The following HDAC4 variants were observed in gnomAD, a reference collection of about 807,000 sequenced individuals.
HDAC4 encodes the protein histone deacetylase 4.
HDAC4 carries 16 observed loss-of-function variants against 135.1 expected under a neutral mutation model. The ratio of observed to expected loss-of-function variants is 0.12; its 90% CI spans 0.08 to 0.18. HDAC4 has a LOEUF of 0.18. HDAC4 is among the 10% of genes least tolerant of loss of function. HDAC4 has a pLI of 1.00. For synonymous variants in HDAC4, 685 were observed against 653.4 expected (o/e 1.05, Z -0.74); for missense variants, 1,143 against 1,511.8 (o/e 0.76, Z 4.05).
chr2:239,396,388 T>C (rs1696564075), intron 1 of HDAC4, among the ~76,000 whole-genome samples: 1 of 152,170 alleles, frequency 6.6e-6, no homozygotes, highest in Non-Finnish European at 1.5e-5. Context: ...TTCAAGGAAA[T>C]TTCCATACAT....
chr2:239,050,287 C>G lies in HDAC4; in HGVS notation c.*2810G>C, dbSNP rs918926156. 2 of 152,164 alleles carry G rather than the reference C, an allele frequency of 1.3e-5. No homozygotes were observed. Among genetic ancestry groups the G allele is most frequent in the Non-Finnish European group, 2.9e-5 (2 of 68,048 alleles). The allele number at this position is 152,164 out of a possible 1,614,324, so 9.4% of individuals were successfully genotyped here. ...CTGGCCACTGAGCAGTCCATGTTAT[C>G]CCATCATCTGCTTAAAAAAAAAAAG... On this transcript the variant is annotated 3_prime_UTR_variant, in exon 27 of 27. Transcript: ENST00000543185.
chr2:239,276,951 G>A (rs995379673), intron 2 of HDAC4, among the ~76,000 whole-genome samples: 28 of 152,156 alleles, frequency 1.8e-4, no homozygotes, highest in Admixed American at 2.0e-4. Context: ...CTAGCCCTTG[G>A]GGAACACCAT....
intron 2 of HDAC4, among the ~76,000 whole-genome samples, chr2:239,314,396 T>C (rs572432461): frequency 1.3e-5 from 2 of 152,266 alleles, no homozygotes; most frequent in East Asian, 3.9e-4. Flanking sequence ...TCCTGTCACT[T>C]AGTGACTGTA....
At chr2:239,055,670 T>C (rs1239093695) in intron 24 of HDAC4, among the ~76,000 whole-genome samples, 2 of 151,036 alleles carry the variant, frequency 1.3e-5, no homozygotes, top group African/African-American at 2.4e-5. Flanking sequence ...TGAGCCAAGA[T>C]TGTGCCACCG....
At chr2:239,374,673 G>A (rs1319561191) in intron 1 of HDAC4, among the ~76,000 whole-genome samples, 1 of 152,068 alleles carries the variant, frequency 6.6e-6, no homozygotes, top group African/African-American at 2.4e-5. Flanking sequence ...AAAGTGCTGG[G>A]ATTACAGGCG....
rs191327775 is a variant in HDAC4 at position 239,365,511 on chromosome 2, G to C, written c.-219-12593C>G. Among the ~76,000 whole-genome samples the C allele has an allele frequency of 2.0e-5, 3 of 152,366 alleles. No homozygotes were observed. The East Asian group carries it at 5.8e-4, about 29-fold the overall frequency. Reference sequence around the variant, plus strand: ...GAACGTTCGGAAGATCAGATACCAAGAGGATAAAGAGGAAGGGCCATGGGA... The same window carrying C: ...GAACGTTCGGAAGATCAGATACCAACAGGATAAAGAGGAAGGGCCATGGGA... On this transcript the variant is annotated intron_variant, in intron 1 of 26. Transcript: ENST00000543185.
intron 22 of HDAC4, among the ~76,000 whole-genome samples, chr2:239,075,510 G>C (rs185013740): frequency 6.6e-6 from 1 of 152,176 alleles, no homozygotes; most frequent in Non-Finnish European, 1.5e-5. Context: ...GTGCACCCCT[G>C]GGGCCGGCAA....
chr2:239,367,366 C>T (rs1311934398), intron 1 of HDAC4, among the ~76,000 whole-genome samples: 4 of 152,126 alleles, frequency 2.6e-5, no homozygotes, highest in African/African-American at 7.2e-5. Flanking sequence ...TTTTACCGAA[C>T]GGTTATTTTT....
Position 239,262,113 on chromosome 2 carries a change from C to G in HDAC4, c.23-25449G>C, listed in dbSNP as rs764966250. 9.2e-5 allele frequency among the ~76,000 whole-genome samples: 14 copies of G among 152,204 alleles called. No homozygotes were observed. The highest frequency in any genetic ancestry group is 1.8e-4 in the Non-Finnish European group (12 of 68,042). On this transcript the variant is annotated intron_variant, in intron 2 of 26. Transcript: ENST00000543185. The surrounding 1 kb of genome is among the most constrained non-coding windows in gnomAD (Gnocchi z 4.1). ...ACCCTCCCAACCACGCCAGCGCCGCCTGCAGTGACGCCGGGCCACGCTCAC... is the reference window on the plus strand; with the variant it reads ...ACCCTCCCAACCACGCCAGCGCCGCGTGCAGTGACGCCGGGCCACGCTCAC...
chr2:239,066,162 C>G (rs548077087), intron 24 of HDAC4, among the ~76,000 whole-genome samples: 31 of 152,318 alleles, frequency 2.0e-4, no homozygotes, highest in African/African-American at 7.0e-4. Context: ...CATTCTTTTT[C>G]TCTGCCCAGG....
At position 239,054,837 on chromosome 2, in the gene HDAC4, G is replaced by A. The variant is rs779912777; in HGVS notation, c.3004-4C>T. 1.9e-6 allele frequency: 3 copies of A among 1,597,134 alleles called. No homozygotes were observed. The highest frequency in any genetic ancestry group is 2.2e-5 in the South Asian group (2 of 90,718). ...CCTTTTCTGGGAGAGGATCAAGCTG[G>A]AAGAAAATGCATAAGAATATAAAGA... On this transcript the variant is annotated splice_region_variant and splice_polypyrimidine_tract_variant and intron_variant, in intron 24 of 26. Transcript: ENST00000543185.
chr2:239,247,112 T>C (rs72988701), intron 2 of HDAC4, among the ~76,000 whole-genome samples: 17,390 of 152,316 alleles, frequency 0.11, 1,081 homozygotes, highest in African/African-American at 0.13. Flanking sequence ...CTATCGGCAA[T>C]GGCTGGAGAC....
intron 17 of HDAC4, chr2:239,091,589 G>A (rs2036508864): frequency 6.6e-6 from 1 of 152,150 alleles, no homozygotes; most frequent in South Asian, 2.1e-4. Flanking sequence ...GAGGGCTCCT[G>A]TCCACCACCA....
chr2:239,154,695 G>T (rs948098722), intron 7 of HDAC4: 12 of 152,230 alleles, frequency 7.9e-5, no homozygotes, highest in East Asian at 3.9e-4. Flanking sequence ...AGGGCGATTT[G>T]TAAGAATCAG....
intron 3 of HDAC4, among the ~76,000 whole-genome samples, chr2:239,225,063 G>A (rs190680481): frequency 1.3e-5 from 2 of 152,236 alleles, no homozygotes; most frequent in Admixed American, 1.3e-4. Flanking sequence ...TAACAAAAAA[G>A]ATGACTTGGA....
chr2:239,275,219 G>A (rs944757894), intron 2 of HDAC4, among the ~76,000 whole-genome samples: 4 of 152,244 alleles, frequency 2.6e-5, no homozygotes, highest in East Asian at 1.9e-4. Flanking sequence ...CCACCAGGCC[G>A]CGCAGGCTGG....
intron 3 of HDAC4, among the ~76,000 whole-genome samples, chr2:239,200,680 G>T (rs551368926): frequency 1.3e-5 from 2 of 152,224 alleles, no homozygotes; most frequent in Non-Finnish European, 2.9e-5. Context: ...AAAATGTAAA[G>T]AAATAAATGC....
chr2:239,056,217 C>T (rs1168442065), intron 24 of HDAC4, among the ~76,000 whole-genome samples: 3 of 152,216 alleles, frequency 2.0e-5, no homozygotes, highest in Admixed American at 1.3e-4. Context: ...AGTTCCCAAA[C>T]ACAAAAACCC....
chr2:239,179,187 G>C (rs144611883), intron 4 of HDAC4, among the ~76,000 whole-genome samples: 2 of 152,330 alleles, frequency 1.3e-5, no homozygotes, highest in Non-Finnish European at 2.9e-5. Context: ...TGCTCCATGA[G>C]TGGCTGCGCT....
Sources: allele counts gnomAD v4.1 joint callset (sites outside exome capture counted in the v4.1 genomes callset), GRCh38; gene constraint gnomAD v4.1.1; non-coding constraint Gnocchi (gnomAD v3.1); transcripts MANE v1.5; gene names NCBI Gene and HGNC (gene_info 2026-07-23, HGNC 2026-07-21).